SMARCA2: variants seen among roughly 807,000 people sequenced by gnomAD.
SMARCA2 encodes SWI/SNF related BAF chromatin remodeling complex subunit ATPase 2, also known as SWI/SNF-related matrix-associated actin-dependent regulator of chromatin subfamily A member 2.
In SMARCA2, 61 loss-of-function variants were observed where a neutral mutation model predicts 199.8. That is an observed-to-expected ratio of 0.31 (90% CI 0.25 to 0.38). The LOEUF (loss-of-function observed/expected upper bound fraction) is 0.38, where lower values mean the gene tolerates loss of function less well. Ranked by LOEUF, SMARCA2 falls within the 10% of genes least tolerant of loss-of-function variation. The pLI is 1.00. For missense variants in SMARCA2, 1,344 were observed against 2,012.2 expected (o/e 0.67, Z 6.35); for synonymous variants, 935 against 732.0 (o/e 1.28, Z -4.48).
intron 4 of SMARCA2, among the ~76,000 whole-genome samples, chr9:2,046,457 T>C (rs1441128526): frequency 6.6e-6 from 1 of 152,134 alleles, no homozygotes; most frequent in African/African-American, 2.4e-5. Context: ...AGATTTTTTT[T>C]GGCTAACAAT....
chr9:2,155,758 T>TTTC (rs1825328674), intron 27 of SMARCA2, among the ~76,000 whole-genome samples: 3 of 82,522 alleles, frequency 3.6e-5, no homozygotes, highest in Non-Finnish European at 7.2e-5. Flanking sequence ...TTTTTTTTTT[T>TTTC]CAAAAGTGAT....
chr9:2,091,502 G>A (rs752514836), intron 19 of SMARCA2, among the ~76,000 whole-genome samples: 5 of 152,126 alleles, frequency 3.3e-5, no homozygotes, highest in African/African-American at 9.7e-5. Flanking sequence ...AGCGCAGTTT[G>A]TTTGACATTT....
chr9:2,078,719 C>T (rs538450490), intron 14 of SMARCA2, among the ~76,000 whole-genome samples: 1 of 151,936 alleles, frequency 6.6e-6, no homozygotes, highest in Non-Finnish European at 1.5e-5. Flanking sequence ...CTGATGTGGG[C>T]CGATCACAAG....
At chr9:2,081,175 C>A (rs1821550747) in intron 14 of SMARCA2, among the ~76,000 whole-genome samples, 2 of 152,108 alleles carry the variant, frequency 1.3e-5, no homozygotes, top group Non-Finnish European at 2.9e-5. Context: ...GTATTTTCAC[C>A]CAACCTTACT....
Position 2,086,137 on chromosome 9 carries a change from CAG to C in SMARCA2, c.2527-691_2527-690del, listed in dbSNP as rs1184484153. On this transcript the variant is annotated intron_variant, in intron 17 of 33. Coordinates refer to ENST00000349721, the MANE Select transcript of SMARCA2 (RefSeq NM_003070.5). The surrounding 1 kb of genome is among the most constrained non-coding windows in gnomAD (Gnocchi z 4.3). ...GTATATTCTTTTATTTTAGATAAAA[CAG>C]GGGTCCTAGATCTGGCAGGTAAGGA... 1 of 152,236 alleles carries C rather than the reference CAG, an allele frequency of 6.6e-6. No homozygotes were observed. The highest frequency in any genetic ancestry group is 2.4e-5 in the African/African-American group (1 of 41,428). 9.4% of individuals were successfully genotyped at this position (152,236 alleles called of 1,614,324 possible).
At position 2,183,923 on chromosome 9, in the gene SMARCA2, A is replaced by G. The variant is rs564886377; in HGVS notation, c.4461+1681A>G. Reference sequence around the variant, plus strand: ...TATACATCCAGTCCTTTTTTCTACAACCTTCCTATCTGTTTTCACTCTGAC... The same window carrying G: ...TATACATCCAGTCCTTTTTTCTACAGCCTTCCTATCTGTTTTCACTCTGAC... On this transcript the variant is annotated intron_variant, in intron 31 of 33. Transcript: ENST00000349721. Among the ~76,000 whole-genome samples, 293 of 152,228 alleles carry G rather than the reference A, an allele frequency of 1.9e-3. 1 individual carries two copies. Among genetic ancestry groups the G allele is most frequent in the African/African-American group, 4.0e-3 (165 of 41,546 alleles).
intron 9 of SMARCA2, among the ~76,000 whole-genome samples, chr9:2,065,621 T>C (rs1410909388): frequency 6.6e-6 from 1 of 152,206 alleles, no homozygotes; most frequent in East Asian, 1.9e-4. Flanking sequence ...GGCACAGTTT[T>C]CAGTAAAAAG....
Position 2,123,948 on chromosome 9 carries a change from C to G in SMARCA2, c.3981+11C>G, listed in dbSNP as rs1231425120. 9.0e-6 allele frequency: 14 copies of G among 1,550,592 alleles called. No homozygotes were observed. The highest frequency in any genetic ancestry group is 6.8e-5 in the African/African-American group (5 of 73,258). ...AAGCAGTGGCTAAGGGTAAGCCTAG[C>G]TTTTCTAACCCGCTCTCACTAGGTG... is the stretch of plus-strand genomic sequence containing the variant. On this transcript the variant is annotated intron_variant, in intron 27 of 33. Transcript: ENST00000349721. This position sits in a 1 kb window ranked among gnomAD's most constrained non-coding sequence, Gnocchi z 4.1.
intron 28 of SMARCA2, among the ~76,000 whole-genome samples, chr9:2,166,078 TG>T (rs1268850669): frequency 1.3e-5 from 2 of 152,234 alleles, no homozygotes; most frequent in Admixed American, 6.5e-5. Flanking sequence ...TTGTTCTACT[TG>T]GAACCTCAGA....
chr9:2,188,495 T>G (rs1038604868), intron 32 of SMARCA2, among the ~76,000 whole-genome samples: 1 of 152,212 alleles, frequency 6.6e-6, no homozygotes. Context: ...GTTATTCCTT[T>G]GTTCTAGCAT....
At chr9:2,064,098 G>A (rs1043069294) in intron 9 of SMARCA2, among the ~76,000 whole-genome samples, 2 of 152,192 alleles carry the variant, frequency 1.3e-5, no homozygotes, top group Non-Finnish European at 2.9e-5. Context: ...TGCGTTTAGC[G>A]TGACCTTGAG....
At position 2,170,010 on chromosome 9, in the gene SMARCA2, C is replaced by A. The variant is rs139175757; in HGVS notation, c.4200-409C>A. On this transcript the variant is annotated intron_variant, in intron 28 of 33. Coordinates refer to ENST00000349721, the MANE Select transcript of SMARCA2 (RefSeq NM_003070.5). The surrounding 1 kb of genome is among the most constrained non-coding windows in gnomAD (Gnocchi z 4.7). ...ACTTTATCCTATTTAATTTTTATAA[C>A]TTTCTGAGGTAAGTATTTCCCCCAT... Among the ~76,000 whole-genome samples, 2,922 of 152,238 alleles carry A rather than the reference C, an allele frequency of 0.019. 32 individuals are homozygous for A. The highest frequency in any genetic ancestry group is 0.036 in the Admixed American group (553 of 15,286).
chr9:2,189,767 A>AG (rs1827750502), intron 32 of SMARCA2, among the ~76,000 whole-genome samples: 1 of 152,088 alleles, frequency 6.6e-6, no homozygotes, highest in Non-Finnish European at 1.5e-5. Context: ...TTTGGAATGG[A>AG]GGAAAGGCAA....
At chr9:2,054,279 T>C (rs1037655121) in intron 5 of SMARCA2, among the ~76,000 whole-genome samples, 2 of 152,232 alleles carry the variant, frequency 1.3e-5, no homozygotes, top group East Asian at 3.8e-4. Context: ...CTGTCTCTTA[T>C]ATTCTCTCTC....
intron 27 of SMARCA2, among the ~76,000 whole-genome samples, chr9:2,144,773 G>T (rs1310103716): frequency 1.3e-5 from 2 of 152,114 alleles, no homozygotes; most frequent in Non-Finnish European, 2.9e-5. Flanking sequence ...GAGGCCTCCA[G>T]AGGTCATTAA....
chr9:2,149,231 C>T (rs752010361), intron 27 of SMARCA2, among the ~76,000 whole-genome samples: 1 of 151,050 alleles, frequency 6.6e-6, no homozygotes, highest in African/African-American at 2.4e-5. Flanking sequence ...AAAGTGGAAA[C>T]CCCTGGCTGG....
chr9:2,143,708 T>G (rs1824576332), intron 27 of SMARCA2, among the ~76,000 whole-genome samples: 1 of 152,182 alleles, frequency 6.6e-6, no homozygotes, highest in African/African-American at 2.4e-5. Context: ...GATGCTACCT[T>G]TAGATGAGAC....
intron 1 of SMARCA2, among the ~76,000 whole-genome samples, chr9:2,023,286 A>G (rs989225425): frequency 3.3e-5 from 5 of 152,230 alleles, no homozygotes; most frequent in Non-Finnish European, 5.9e-5. Context: ...GGCAAGGACC[A>G]TTCCCAAGGC....
chr9:2,080,661 G>T (rs1363619041), intron 14 of SMARCA2, among the ~76,000 whole-genome samples: 1 of 152,114 alleles, frequency 6.6e-6, no homozygotes, highest in Non-Finnish European at 1.5e-5. Context: ...TCTTGTTGTT[G>T]TTGTAGTTCT....
Sources: gnomAD v4.1 joint callset for allele counts (sites outside exome capture counted in the v4.1 genomes callset) on GRCh38, gnomAD v4.1.1 for gene constraint, Gnocchi (gnomAD v3.1) non-coding constraint, MANE v1.5 for transcripts, NCBI Gene and HGNC (gene_info 2026-07-23, HGNC 2026-07-21) for gene names.